GRAMD4: variants seen among roughly 807,000 people sequenced by gnomAD.
GRAMD4 encodes GRAM domain-containing protein 4.
In GRAMD4, 25 loss-of-function variants were observed where a neutral mutation model predicts 83.9. The observed-to-expected ratio is 0.30, with a 90% CI of 0.22 to 0.42. The LOEUF (loss-of-function observed/expected upper bound fraction) is 0.42, where lower values mean the gene tolerates loss of function less well. Ranked by LOEUF, GRAMD4 falls within the 10% of genes least tolerant of loss-of-function variation. The probability of loss-of-function intolerance (pLI) is 1.00; values close to 1 mark genes in which losing one functional copy is unlikely to be tolerated. For missense variants in GRAMD4, 593 were observed against 788.7 expected, an observed-to-expected ratio of 0.75 and a Z score of 2.97; for synonymous variants, 336 against 320.9, an observed-to-expected ratio of 1.05 and a Z score of -0.50.
At position 46,658,251 on chromosome 22, in the gene GRAMD4, C is replaced by G. The variant is rs145906275; in HGVS notation, c.348C>G (p.Arg116=). ...NAEMLRQELD[R]ERQRRMELEQ... is the part of the protein sequence containing the mutation. ...AGATGCTGCGGCAGGAGCTGGACCGCGAGCGGCAGCGGCGGATGGAGCTGG... is the reference window on the plus strand; with the variant it reads ...AGATGCTGCGGCAGGAGCTGGACCGGGAGCGGCAGCGGCGGATGGAGCTGG... The change falls in exon 4 of 19, where the codon CGC becomes CGG. Residue 116 remains arginine (R), a synonymous_variant. Coordinates refer to ENST00000406902, the MANE Select transcript of GRAMD4 (RefSeq NM_015124.5). 7.4e-6 allele frequency: 12 copies of G among 1,613,336 alleles called. No homozygotes were observed. The highest frequency in any genetic ancestry group is 1.0e-5 in the Non-Finnish European group (12 of 1,179,902).
chr22:46,595,309 T>C (rs1014370114), intron 1 of GRAMD4, among the ~76,000 whole-genome samples: 2 of 152,182 alleles, frequency 1.3e-5, no homozygotes, highest in African/African-American at 2.4e-5. Context: ...GATTGGCCAC[T>C]GGGACTGGTG....
At position 46,621,115 on chromosome 22, in the gene GRAMD4, A is replaced by C. The variant is rs997764977; in HGVS notation, c.-50+550A>C. Among the ~76,000 whole-genome samples, 14 of 151,530 alleles carry C rather than the reference A, an allele frequency of 9.2e-5. No homozygotes were observed. Among genetic ancestry groups the C allele is most frequent in the Non-Finnish European group, 1.9e-4 (13 of 67,868 alleles). On this transcript the variant is annotated intron_variant, in intron 1 of 18. Transcript: ENST00000406902. The surrounding 1 kb of genome is among the most constrained non-coding windows in gnomAD (Gnocchi z 5.8). The stretch of plus-strand genomic sequence containing the variant: ...ATGGGCAGCTAGAAGTGGGGAGGGC[A>C]GGGGCCGTCTGGTTGGGGATGCGCG...
chr22:46,621,186 G>A lies in GRAMD4; in HGVS notation c.-50+621G>A, dbSNP rs938075777. Among the ~76,000 whole-genome samples, 2 of 152,282 alleles carry A rather than the reference G, an allele frequency of 1.3e-5. No homozygotes were observed. The highest frequency in any genetic ancestry group is 4.8e-5 in the African/African-American group (2 of 41,534). On this transcript the variant is annotated intron_variant, in intron 1 of 18. Transcript: ENST00000406902. The surrounding 1 kb of genome is among the most constrained non-coding windows in gnomAD (Gnocchi z 5.8). ...AGGTGCAGGTGAGACGCAGGTGGGC[G>A]GTGTCGGGAGACCCGGGTCTGGCCT...
At chr22:46,665,191 G>A (rs186689524) in intron 8 of GRAMD4, among the ~76,000 whole-genome samples, 39 of 152,328 alleles carry the variant, frequency 2.6e-4, no homozygotes, top group Admixed American at 2.0e-3. Context: ...TCTGCGTCCC[G>A]GGCTCTGTGC....
chr22:46,640,405 C>T (rs982554671), intron 3 of GRAMD4, among the ~76,000 whole-genome samples: 2 of 152,046 alleles, frequency 1.3e-5, no homozygotes, highest in African/African-American at 2.4e-5. Flanking sequence ...CGCTTTGAGA[C>T]GTTGTTGATA....
upstream of GRAMD4, among the ~76,000 whole-genome samples, chr22:46,619,597 G>A (rs966729540): frequency 6.6e-6 from 1 of 152,160 alleles, no homozygotes; most frequent in Non-Finnish European, 1.5e-5. Flanking sequence ...CCTGGCTGGC[G>A]ATGGGGTATT....
upstream of GRAMD4, among the ~76,000 whole-genome samples, chr22:46,618,634 C>T (rs1240320631): frequency 2.6e-5 from 4 of 152,174 alleles, no homozygotes; most frequent in African/African-American, 9.7e-5. This position sits in a 1 kb window ranked among gnomAD's most constrained non-coding sequence, Gnocchi z 5.8. Context: ...CCTTTGAAGG[C>T]CTCACCATGC....
At position 46,672,206 on chromosome 22, in the gene GRAMD4, G is replaced by T. The variant is rs1253249409; in HGVS notation, c.1085-637G>T. On this transcript the variant is annotated intron_variant, in intron 13 of 18. Transcript: ENST00000406902. This position sits in a 1 kb window ranked among gnomAD's most constrained non-coding sequence, Gnocchi z 4.7. ...AGGTGGGGTCCTGGGGCGCAGTCAG[G>T]CCTGGCTCTTCTGAGGTCGTGTTTA... 6.6e-6 allele frequency among the ~76,000 whole-genome samples: 1 copy of T among 152,246 alleles called. No individual in the cohort carries two copies. Among genetic ancestry groups the T allele is most frequent in the African/African-American group, 2.4e-5 (1 of 41,460 alleles).
At chr22:46,602,905 G>T (rs1355421700) in intron 1 of GRAMD4, among the ~76,000 whole-genome samples, 3 of 151,694 alleles carry the variant, frequency 2.0e-5, no homozygotes, top group Non-Finnish European at 4.4e-5. Flanking sequence ...ACCACGCCTG[G>T]CTACTTTTTG....
Position 46,648,686 on chromosome 22 carries a change from T to TGATGGATGGATGCATGGATGGATGGATG in GRAMD4, c.284-9468_284-9441dup, listed in dbSNP as rs1569288078. Among the ~76,000 whole-genome samples, 307 of 142,136 alleles carry TGATGGATGGATGCATGGATGGATGGATG rather than the reference T, an allele frequency of 2.2e-3. 9 individuals are homozygous for TGATGGATGGATGCATGGATGGATGGATG. Among genetic ancestry groups the TGATGGATGGATGCATGGATGGATGGATG allele is most frequent in the African/African-American group, 6.8e-3 (246 of 36,062 alleles). 93.2% of individuals were successfully genotyped at this position (142,136 alleles called of 152,430 possible). ...ATTTGGTAATGGGTGGGTAAATGAT[T>TGATGGATGGATGCATGGATGGATGGATG]GATGGATGGATGCATGGATGGATGG... On this transcript the variant is annotated intron_variant, in intron 3 of 18. Transcript: ENST00000406902.
intron 1 of GRAMD4, among the ~76,000 whole-genome samples, chr22:46,603,572 A>G (rs1210516907): frequency 6.3e-5 from 8 of 127,644 alleles, no homozygotes; most frequent in Admixed American, 2.8e-4. Flanking sequence ...GCTGGAGTGC[A>G]GTGGCGCGAT....
In GRAMD4 at chr22:46,675,583, C is replaced by G; in HGVS notation, c.1563+31C>G. On this transcript the variant is annotated intron_variant, in intron 17 of 18. Coordinates refer to ENST00000406902, the MANE Select transcript of GRAMD4 (RefSeq NM_015124.5). ...TGCACCTACCCACCCCCACTAACCCCCGTGTTTTCTTCGTCACCTGACAGA... is the reference window on the plus strand; with the variant it reads ...TGCACCTACCCACCCCCACTAACCCGCGTGTTTTCTTCGTCACCTGACAGA... 5 of 1,392,554 alleles carry G rather than the reference C, an allele frequency of 3.6e-6. No homozygotes were observed. In the South Asian group the frequency reaches 5.8e-5, roughly 16 times the overall value. 86.3% of individuals were successfully genotyped at this position (1,392,554 alleles called of 1,614,324 possible).
intron 1 of GRAMD4, among the ~76,000 whole-genome samples, chr22:46,591,124 T>G (rs2081203166): frequency 6.6e-6 from 1 of 152,114 alleles, no homozygotes; most frequent in Admixed American, 6.5e-5. Context: ...AGCCCTGGAA[T>G]GGCCTAAGGT....
chr22:46,589,612 G>A (rs2081186750), intron 1 of GRAMD4, among the ~76,000 whole-genome samples: 1 of 152,134 alleles, frequency 6.6e-6, no homozygotes, highest in Non-Finnish European at 1.5e-5. Context: ...AGGTGAGTAA[G>A]CGGGTGTCTG....
At chr22:46,623,428 CCCAGGCTGCAGTGCAGTGG>C (rs1366308856) in intron 1 of GRAMD4, among the ~76,000 whole-genome samples, 1 of 152,136 alleles carries the variant, frequency 6.6e-6, no homozygotes, top group African/African-American at 2.4e-5. Context: ...CACGCTGCCC[CCCAGGCTGCAGTGCAGTGG>C]TGCAGTCTCG....
intron 13 of GRAMD4, among the ~76,000 whole-genome samples, chr22:46,670,542 C>T (rs2082486438): frequency 6.6e-6 from 1 of 152,194 alleles, no homozygotes; most frequent in Admixed American, 6.5e-5. Context: ...AGCTCCGGGG[C>T]AGGCCGCCCT....
chr22:46,673,019 G>A (rs758075028), intron 14 of GRAMD4, 22 bp downstream of exon 14: 27 of 1,512,098 alleles, frequency 1.8e-5, no homozygotes, highest in Middle Eastern at 1.8e-4. Context: ...CCCCAGCTGC[G>A]GGGATGGGGG....
chr22:46,676,540 G>A, intron 17 of GRAMD4, 60 bp from the exon 18 acceptor site: 1 of 1,468,912 alleles, frequency 6.8e-7, no homozygotes, highest in Non-Finnish European at 9.3e-7. Context: ...GGCCTGTGGA[G>A]GGCTGTGCCT....
Position 46,668,080 on chromosome 22 carries a change from T to C in GRAMD4, c.859-16T>C. The C allele has an allele frequency of 6.4e-7, 1 of 1,573,902 alleles. No homozygotes were observed. Among genetic ancestry groups the C allele is most frequent in the Non-Finnish European group, 8.7e-7 (1 of 1,144,930 alleles). On this transcript the variant is annotated splice_polypyrimidine_tract_variant and intron_variant, in intron 10 of 18. Coordinates refer to ENST00000406902, the MANE Select transcript of GRAMD4 (RefSeq NM_015124.5). The stretch of plus-strand genomic sequence containing the variant: ...TTAAATTTCAGTGGAAAATTCTCTT[T>C]CCCCTTTTACTGAAGGAACCTCCAA...
Sources: gnomAD v4.1 joint callset for allele counts (sites outside exome capture counted in the v4.1 genomes callset) on GRCh38, gnomAD v4.1.1 for gene constraint, Gnocchi (gnomAD v3.1) non-coding constraint, MANE v1.5 for transcripts, NCBI Gene and HGNC (gene_info 2026-07-23, HGNC 2026-07-21) for gene names.